Variants in ADAMTS6 observed in about 807,000 individuals in gnomAD.
ADAMTS6 encodes the protein ADAM metallopeptidase with thrombospondin type 1 motif 6, also known as A disintegrin and metalloproteinase with thrombospondin motifs 6.
In ADAMTS6, 23 loss-of-function variants were observed where a neutral mutation model predicts 144.3. The observed-to-expected ratio is 0.16, with a 90% CI of 0.11 to 0.23. The LOEUF is 0.23. Among genes scored for constraint, ADAMTS6 ranks in the 10% least tolerant of loss-of-function variants. ADAMTS6 has a pLI of 1.00. For missense variants in ADAMTS6, 999 were observed against 1,379.6 expected, an observed-to-expected ratio of 0.72 and a Z score of 4.37; for synonymous variants, 444 against 457.5, an observed-to-expected ratio of 0.97 and a Z score of 0.38.
Position 65,210,105 on chromosome 5 carries a change from A to G in ADAMTS6, c.2575+4689T>C, listed in dbSNP as rs56013746. On this transcript the variant is annotated intron_variant, in intron 20 of 24. Coordinates refer to ENST00000381055, the MANE Select transcript of ADAMTS6 (RefSeq NM_197941.4). ...CTGACAAATGATGCTGCAGCGTACTATATTGGCCTGCTGCTGGCCCACAGG... is the reference window on the plus strand; with the variant it reads ...CTGACAAATGATGCTGCAGCGTACTGTATTGGCCTGCTGCTGGCCCACAGG... The G allele has an allele frequency of 6.5e-3, 1,435 of 220,064 alleles. 20 individuals are homozygous for G. Among genetic ancestry groups the G allele is most frequent in the African/African-American group, 0.031 (1,336 of 43,444 alleles). 13.6% of individuals were successfully genotyped at this position (220,064 alleles called of 1,614,324 possible). A position where few individuals can be genotyped will look rare whatever the true frequency, so the allele number is the denominator to read the frequency against.
intron 7 of ADAMTS6, among the ~76,000 whole-genome samples, chr5:65,375,379 T>C (rs888608882): frequency 2.8e-4 from 42 of 151,226 alleles, no homozygotes; most frequent in Non-Finnish European, 4.9e-4. Context: ...AGGGCTAATA[T>C]CCAGAATCTA....
rs1743483538 is a variant in ADAMTS6, at chr5:65,302,199, G to GATATTATACATATATTATATATTTATATT, written c.1224-2069_1224-2068insAATATAAATATATAATATATGTATAATAT. ...TTATACATATATTATATATTTATAT[G>GATATTATACATATATTATATATTTATATT]ATATTATACATATATTATATACTTA... On this transcript the variant is annotated intron_variant, in intron 9 of 24. Transcript: ENST00000381055. 7.2e-5 allele frequency among the ~76,000 whole-genome samples: 10 copies of GATATTATACATATATTATATATTTATATT among 138,942 alleles called. 1 individual carries two copies. Among genetic ancestry groups the GATATTATACATATATTATATATTTATATT allele is most frequent in the Admixed American group, 5.3e-4 (7 of 13,116 alleles). 91.2% of individuals were successfully genotyped at this position (138,942 alleles called of 152,430 possible).
chr5:65,410,413 A>G (rs1754952831), intron 7 of ADAMTS6, among the ~76,000 whole-genome samples: 1 of 152,226 alleles, frequency 6.6e-6, no homozygotes, highest in African/African-American at 2.4e-5. Flanking sequence ...GCAAGTAAAA[A>G]TTATATATAT....
chr5:65,203,599 C>T (rs1431664015), intron 20 of ADAMTS6, among the ~76,000 whole-genome samples: 1 of 152,066 alleles, frequency 6.6e-6, no homozygotes, highest in Non-Finnish European at 1.5e-5. Flanking sequence ...GGAACCAAAT[C>T]TTGAAATATT....
chr5:65,260,720 T>C, intron 13 of ADAMTS6, 57 bp from the exon 14 acceptor site: 31 of 1,331,996 alleles, frequency 2.3e-5, no homozygotes, highest in Middle Eastern at 3.7e-4. Flanking sequence ...ATACAAAGAG[T>C]ATATATATTA....
At chr5:65,195,358 G>A (rs1333913242) in intron 21 of ADAMTS6, among the ~76,000 whole-genome samples, 1 of 152,184 alleles carries the variant, frequency 6.6e-6, no homozygotes, top group Non-Finnish European at 1.5e-5. Context: ...TGGATTTTAA[G>A]AGATTAGTTA....
In ADAMTS6 at chr5:65,214,720, A is replaced by T; in HGVS notation, c.2575+74T>A. ...TGTTTCCAATTAGCTTTTTTAACAA[A>T]CACAAAGCATAGCTCAGAATGTGTT... On this transcript the variant is annotated intron_variant, in intron 20 of 24. Coordinates refer to ENST00000381055, the MANE Select transcript of ADAMTS6 (RefSeq NM_197941.4). This position sits in a 1 kb window ranked among gnomAD's most constrained non-coding sequence, Gnocchi z 4.6. The T allele has an allele frequency of 1.2e-6, 2 of 1,606,772 alleles. No individual in the cohort carries two copies. The highest frequency in any genetic ancestry group is 1.7e-6 in the Non-Finnish European group (2 of 1,175,394).
chr5:65,362,713 CCT>C (rs1169633234), intron 7 of ADAMTS6, among the ~76,000 whole-genome samples: 3 of 152,042 alleles, frequency 2.0e-5, no homozygotes, highest in Non-Finnish European at 4.4e-5. Context: ...TTTCTTTTCC[CCT>C]GTTAACCTTT....
intron 22 of ADAMTS6, among the ~76,000 whole-genome samples, chr5:65,177,568 C>A (rs1164068096): frequency 6.6e-6 from 1 of 152,156 alleles, no homozygotes; most frequent in Non-Finnish European, 1.5e-5. Context: ...AGCTTTTATG[C>A]TGTAGTTGGT....
intron 22 of ADAMTS6, among the ~76,000 whole-genome samples, chr5:65,183,867 A>G (rs1754512353): frequency 6.6e-6 from 1 of 152,154 alleles, no homozygotes; most frequent in South Asian, 2.1e-4. Context: ...AGAAATTGGG[A>G]TATTTAGTTC....
rs562656920 is a variant in ADAMTS6, at chr5:65,276,488, T to C, written c.1513-3041A>G. Among the ~76,000 whole-genome samples, 41 of 152,300 alleles carry C rather than the reference T, an allele frequency of 2.7e-4. No homozygotes were observed. In the Middle Eastern group the frequency reaches 0.01, roughly 38 times the overall value. On this transcript the variant is annotated intron_variant, in intron 11 of 24. Transcript: ENST00000381055. ...TTTCGGAATGTTTCCCAAGACTTTT[T>C]TTTCTTTTAAAGGATACTCTCTTGA...
intron 24 of ADAMTS6, among the ~76,000 whole-genome samples, chr5:65,167,437 C>T (rs1273182589): frequency 2.0e-5 from 3 of 152,110 alleles, no homozygotes; most frequent in African/African-American, 4.8e-5. Flanking sequence ...GATTCACAGC[C>T]GAATTCTACC....
At chr5:65,183,816 C>T (rs753160165) in intron 22 of ADAMTS6, among the ~76,000 whole-genome samples, 3 of 151,974 alleles carry the variant, frequency 2.0e-5, no homozygotes, top group Non-Finnish European at 4.4e-5. Flanking sequence ...TATGTTTTTG[C>T]GTAACTTTTG....
chr5:65,422,025 C>A (rs909040612), intron 7 of ADAMTS6, among the ~76,000 whole-genome samples: 1 of 152,102 alleles, frequency 6.6e-6, no homozygotes, highest in Admixed American at 6.5e-5. Context: ...AGACAACCCA[C>A]AAAGTGGGAG....
intron 22 of ADAMTS6, among the ~76,000 whole-genome samples, chr5:65,182,789 C>A (rs1454887689): frequency 6.6e-6 from 1 of 152,100 alleles, no homozygotes; most frequent in Non-Finnish European, 1.5e-5. Flanking sequence ...TCAAAATTCA[C>A]CATTTTAGCC....
rs564368196 is a variant in ADAMTS6, at chr5:65,342,462, G to C, written c.1074-8377C>G. Among the ~76,000 whole-genome samples, 11 of 152,178 alleles carry C rather than the reference G, an allele frequency of 7.2e-5. No individual in the cohort carries two copies. The South Asian group carries it at 2.3e-3, about 32-fold the overall frequency. Reference sequence around the variant, plus strand: ...CCATGATTCAGTTACCTCCCACCGGGTCCCTCCCACAACATGTGGGAATTG... The same window carrying C: ...CCATGATTCAGTTACCTCCCACCGGCTCCCTCCCACAACATGTGGGAATTG... On this transcript the variant is annotated intron_variant, in intron 7 of 24. Transcript: ENST00000381055.
At chr5:65,376,046 G>A (rs190917348) in intron 7 of ADAMTS6, among the ~76,000 whole-genome samples, 2,428 of 151,738 alleles carry the variant, frequency 0.016, 33 homozygotes, top group East Asian at 0.08. Context: ...TCACTCATAG[G>A]TGGGAATTGA....
intron 14 of ADAMTS6, among the ~76,000 whole-genome samples, chr5:65,248,220 C>T (rs1759804352): frequency 6.6e-6 from 1 of 152,090 alleles, no homozygotes; most frequent in Admixed American, 6.6e-5. Flanking sequence ...GTGGTCAATG[C>T]CTGTAGTGAA....
intron 20 of ADAMTS6, among the ~76,000 whole-genome samples, chr5:65,212,054 A>G (rs1420887164): frequency 1.3e-5 from 2 of 152,178 alleles, no homozygotes; most frequent in African/African-American, 4.8e-5. Context: ...GCGAGCAACA[A>G]AATCACCTGC....
Sources: allele counts gnomAD v4.1 joint callset (sites outside exome capture counted in the v4.1 genomes callset), GRCh38; gene constraint gnomAD v4.1.1; non-coding constraint Gnocchi (gnomAD v3.1); transcripts MANE v1.5; gene names NCBI Gene and HGNC (gene_info 2026-07-23, HGNC 2026-07-21).